The following LMF1 variants were observed in gnomAD, a reference collection of about 807,000 sequenced individuals.
The protein encoded by LMF1 is lipase maturation factor 1, also known as transmembrane protein 112.
A neutral mutation model predicts 60.6 loss-of-function variants in LMF1; 68 were observed. The observed-to-expected ratio is 1.12, with a 90% CI of 0.92 to 1.37. The LOEUF is 1.37. Ranked by LOEUF, LMF1 falls within the 40% of genes most tolerant of loss-of-function variation. The pLI is 0.00. For missense variants in LMF1, 948 were observed against 767.2 expected, an observed-to-expected ratio of 1.24 and a Z score of -2.78; for synonymous variants, 418 against 324.7, an observed-to-expected ratio of 1.29 and a Z score of -3.09.
rs551351634 is a variant in LMF1 at position 878,750 on chromosome 16, G to GCAGGGGCGGC, written c.897+819_897+820insGCCGCCCCTG. On this transcript the variant is annotated intron_variant, in intron 6 of 10. Transcript: ENST00000262301. This position sits in a 1 kb window ranked among gnomAD's most constrained non-coding sequence, Gnocchi z 5.2. ...TGGGCAGGGCAGGGGAAGGGCGGGG[G>GCAGGGGCGGC]CAGGGGCGGGCAGGGCAGGGGAAGG... Among the ~76,000 whole-genome samples, 731 of 147,446 alleles carry GCAGGGGCGGC rather than the reference G, an allele frequency of 5.0e-3. 9 individuals carry two copies. The highest frequency in any genetic ancestry group is 0.016 in the African/African-American group (652 of 39,706).
At chr16:955,906 A>C (rs1044464636) in intron 1 of LMF1, among the ~76,000 whole-genome samples, 7 of 137,546 alleles carry the variant, frequency 5.1e-5, no homozygotes, top group Non-Finnish European at 7.7e-5. Flanking sequence ...CCCTCTACGC[A>C]GACCACAGGT....
rs1301959407 is a variant in LMF1 at position 950,555 on chromosome 16, T to A, written c.503+3802A>T. On this transcript the variant is annotated intron_variant, in intron 2 of 10. Coordinates refer to ENST00000262301, the MANE Select transcript of LMF1 (RefSeq NM_022773.4). The stretch of plus-strand genomic sequence containing the variant: ...CAGAGCCAATGACAGAGTCAGCCAA[T>A]GACAGAGTCAGAGCCAACGACAGAG... Among the ~76,000 whole-genome samples, 32 of 88,844 alleles carry A rather than the reference T, an allele frequency of 3.6e-4. 1 individual carries two copies. The highest frequency in any genetic ancestry group is 4.4e-4 in the Non-Finnish European group (22 of 49,540). 58.3% of individuals were successfully genotyped at this position (88,844 alleles called of 152,430 possible).
Position 970,942 on chromosome 16 carries a change from C to G in LMF1, c.39G>C (p.Glu13Asp). 1 of 1,548,704 alleles carries G rather than the reference C, an allele frequency of 6.5e-7. No homozygotes were observed. The highest frequency in any genetic ancestry group is 8.7e-7 in the Non-Finnish European group (1 of 1,143,192). The change falls in exon 1 of 11, where the codon GAG (glutamate) becomes GAC (aspartate). Residue 13 changes from glutamate (E) to aspartate (D), a missense_variant. Physicochemically the swap from Glu to Asp is conservative, Grantham distance 45. Transcript: ENST00000262301. ...PDSPTMAAPA[E>D]SLRRRKTGYS... Reference sequence around the variant, plus strand: ...ACCCAGTCTTCCGCCTCCTCAGCGACTCCGCGGGCGCCGCCATTGTTGGGC... The same window carrying G: ...ACCCAGTCTTCCGCCTCCTCAGCGAGTCCGCGGGCGCCGCCATTGTTGGGC...
At chr16:976,171 GC>G (rs144464040) in intron 1 of LMF1, 1 of 453,130 alleles carries the variant, frequency 2.2e-6, no homozygotes, top group Admixed American at 2.4e-5. Flanking sequence ...GAGGACCTCA[GC>G]CCCCCAGTGC....
intron 1 of LMF1, chr16:979,572 C>G (rs1201258271): frequency 2.2e-6 from 1 of 448,290 alleles, no homozygotes; most frequent in African/African-American, 2.0e-5. Flanking sequence ...CTCAGTCTCC[C>G]TTCCTCCAGG....
At chr16:867,807 C>T (rs1213230441) in intron 10 of LMF1, among the ~76,000 whole-genome samples, 5 of 152,148 alleles carry the variant, frequency 3.3e-5, no homozygotes, top group African/African-American at 1.2e-4. Context: ...GCTGGGGAAG[C>T]AGCCCTGGAA....
intron 2 of LMF1, 184 bp from the exon 3 acceptor site, chr16:934,438 C>T: frequency 4.6e-6 from 3 of 658,372 alleles, no homozygotes; most frequent in Admixed American, 2.6e-5. Flanking sequence ...GGCTCACACA[C>T]AGGCAGGCCC....
At chr16:905,875 C>T (rs1322918534) in intron 4 of LMF1, among the ~76,000 whole-genome samples, 1 of 152,128 alleles carries the variant, frequency 6.6e-6, no homozygotes, top group East Asian at 1.9e-4. Flanking sequence ...TCCTAACATG[C>T]TGGTGTTAAA....
intron 6 of LMF1, chr16:871,631 GACCAGACC>G (rs2069797069): frequency 7.3e-6 from 3 of 409,482 alleles, no homozygotes; most frequent in Non-Finnish European, 1.3e-5. Context: ...GCGGGGGCTG[GACCAGACC>G]ACCAGACCCT....
At chr16:950,671 A>C (rs1419561154) in intron 2 of LMF1, among the ~76,000 whole-genome samples, 13 of 148,656 alleles carry the variant, frequency 8.7e-5, no homozygotes, top group African/African-American at 2.3e-4. Flanking sequence ...AGAATCAGAG[A>C]CAATGACAGA....
intron 4 of LMF1, among the ~76,000 whole-genome samples, chr16:895,917 G>A (rs2070650315): frequency 1.0e-5 from 1 of 99,826 alleles, no homozygotes; most frequent in South Asian, 4.4e-4. Context: ...CCTCGGAGGG[G>A]TTGTGAGGCT....
intron 3 of LMF1, among the ~76,000 whole-genome samples, chr16:917,959 T>C (rs764403292): frequency 6.6e-6 from 1 of 152,182 alleles, no homozygotes; most frequent in Non-Finnish European, 1.5e-5. Flanking sequence ...CTGAGGACGT[T>C]TCACAGGAGG....
At chr16:895,398 G>A (rs1331135710) in intron 4 of LMF1, among the ~76,000 whole-genome samples, 2 of 152,178 alleles carry the variant, frequency 1.3e-5, no homozygotes, top group African/African-American at 4.8e-5. Context: ...ATGGACCAGG[G>A]ACCCCAGGCC....
chr16:921,391 CAGAGACGTGGACAAG>C (rs1180190667), intron 3 of LMF1, among the ~76,000 whole-genome samples: 1 of 152,208 alleles, frequency 6.6e-6, no homozygotes, highest in Non-Finnish European at 1.5e-5. Context: ...GCGCTCCCTG[CAGAGACGTGGACAAG>C]GCAGGCCCTG....
intron 3 of LMF1, chr16:933,321 T>C (rs1352368245): frequency 6.6e-6 from 1 of 152,284 alleles, no homozygotes; most frequent in East Asian, 1.9e-4. Flanking sequence ...GTTCTTCCTT[T>C]CTTTGATTCG....
At chr16:929,159 C>T (rs1020055780) in intron 3 of LMF1, among the ~76,000 whole-genome samples, 2 of 152,234 alleles carry the variant, frequency 1.3e-5, no homozygotes, top group African/African-American at 4.8e-5. Context: ...TCCCTCCCAG[C>T]TGCCCCAGGC....
intron 3 of LMF1, among the ~76,000 whole-genome samples, chr16:914,382 C>G (rs1330477062): frequency 1.3e-5 from 2 of 152,246 alleles, no homozygotes; most frequent in East Asian, 3.9e-4. Context: ...GACCTTCCTG[C>G]TCTGCAGGAC....
At chr16:858,718 G>A (rs549309567) in intron 10 of LMF1, among the ~76,000 whole-genome samples, 2 of 98,522 alleles carry the variant, frequency 2.0e-5, no homozygotes, top group East Asian at 2.9e-4. Context: ...GTGGTGTCTC[G>A]GGACGGGTGT....
intron 1 of LMF1, chr16:979,649 G>A (rs2073283109): frequency 8.8e-6 from 4 of 454,004 alleles, no homozygotes; most frequent in South Asian, 1.6e-5. Context: ...GAGCCAGGAA[G>A]AGGCCACCCT....
Sources: allele counts gnomAD v4.1 joint callset (sites outside exome capture counted in the v4.1 genomes callset), GRCh38; gene constraint gnomAD v4.1.1; non-coding constraint Gnocchi (gnomAD v3.1); transcripts MANE v1.5; gene names NCBI Gene and HGNC (gene_info 2026-07-23, HGNC 2026-07-21).